Variants in PCTP observed in about 807,000 individuals in gnomAD.
PCTP encodes the protein phosphatidylcholine transfer protein, also known as START domain-containing protein 2.
PCTP carries 27 observed loss-of-function variants against 31.0 expected under a neutral mutation model. That is an observed-to-expected ratio of 0.87 (90% CI 0.64 to 1.20). The LOEUF (loss-of-function observed/expected upper bound fraction) is 1.20, where lower values mean the gene tolerates loss of function less well. Among genes scored for constraint, PCTP ranks in the 50% most tolerant of loss-of-function variants. The pLI is 0.00. For missense variants in PCTP, 287 were observed against 268.2 expected (o/e 1.07, Z -0.49); for synonymous variants, 108 against 101.2 (o/e 1.07, Z -0.40).
intron 3 of PCTP, among the ~76,000 whole-genome samples, chr17:55,803,069 A>G (rs905582841): frequency 6.6e-6 from 1 of 152,178 alleles, no homozygotes; most frequent in African/African-American, 2.4e-5. Flanking sequence ...ACAATAATAG[A>G]CAAACAGAGA....
chr17:55,751,440 T>C (rs1567707872), intron 1 of PCTP, 196 bp downstream of exon 1: 5 of 1,533,836 alleles, frequency 3.3e-6, no homozygotes, highest in Non-Finnish European at 3.5e-6. Context: ...GCCGTGCAGA[T>C]CCAGGGGAGT....
chr17:55,799,904 A>G (rs1209638466), intron 3 of PCTP, among the ~76,000 whole-genome samples: 2 of 152,124 alleles, frequency 1.3e-5, no homozygotes, highest in Non-Finnish European at 2.9e-5. Context: ...ATTGGCTTCC[A>G]TTCTCTTCTG....
At chr17:55,814,121 C>T (rs2145050817) in intron 3 of PCTP, among the ~76,000 whole-genome samples, 1 of 152,024 alleles carries the variant, frequency 6.6e-6, no homozygotes, top group East Asian at 1.9e-4. Flanking sequence ...CCTATTGCTT[C>T]TTTCCTTTCT....
At chr17:55,803,602 A>G (rs1567725680) in intron 3 of PCTP, among the ~76,000 whole-genome samples, 2 of 152,186 alleles carry the variant, frequency 1.3e-5, no homozygotes, top group Admixed American at 1.3e-4. Context: ...AAAAACAAGC[A>G]ATGGGGAAAG....
intron 3 of PCTP, among the ~76,000 whole-genome samples, chr17:55,799,230 G>A (rs1912287397): frequency 6.6e-6 from 1 of 151,942 alleles, no homozygotes; most frequent in Non-Finnish European, 1.5e-5. Context: ...TAGATGAAAA[G>A]AGAAGCACAA....
intron 3 of PCTP, among the ~76,000 whole-genome samples, chr17:55,801,688 C>T (rs185554448): frequency 8.2e-4 from 125 of 152,098 alleles, no homozygotes; most frequent in Admixed American, 5.2e-3. Flanking sequence ...CACAATGTAC[C>T]AGAATCTCTG....
chr17:55,765,424 G>A (rs1257119133), intron 1 of PCTP, among the ~76,000 whole-genome samples: 1 of 152,080 alleles, frequency 6.6e-6, no homozygotes, highest in Admixed American at 6.6e-5. Context: ...CCCAACTTGG[G>A]TTATGAAAGT....
intron 5 of PCTP, among the ~76,000 whole-genome samples, chr17:55,833,325 C>T (rs1301906003): frequency 6.6e-6 from 1 of 152,178 alleles, no homozygotes; most frequent in Non-Finnish European, 1.5e-5. Context: ...AACAAGTAAC[C>T]TCCAAAATTT....
the PCTP span, among the ~76,000 whole-genome samples, chr17:55,848,392 G>A: frequency 6.6e-6 from 1 of 152,214 alleles, no homozygotes; most frequent in Admixed American, 6.5e-5. Flanking sequence ...CATCTTCTGG[G>A]AGGAGGGTAA....
At chr17:55,783,293 A>T (rs1911629669) in intron 2 of PCTP, among the ~76,000 whole-genome samples, 1 of 152,170 alleles carries the variant, frequency 6.6e-6, no homozygotes, top group East Asian at 1.9e-4. Flanking sequence ...TACTGATGTA[A>T]CTTAGGGAAG....
At chr17:55,792,984 C>G (rs1361841003) in intron 3 of PCTP, among the ~76,000 whole-genome samples, 1 of 152,048 alleles carries the variant, frequency 6.6e-6, no homozygotes, top group Admixed American at 6.6e-5. Context: ...CCAGTCCAAA[C>G]AAACAAAAAC....
intron 3 of PCTP, among the ~76,000 whole-genome samples, chr17:55,800,290 G>T (rs62078575): frequency 6.6e-6 from 1 of 151,354 alleles, no homozygotes; most frequent in African/African-American, 2.4e-5. Flanking sequence ...TCTTTTTTCT[G>T]TAATCTTGGT....
chr17:55,802,443 C>T (rs1332418032), intron 3 of PCTP, among the ~76,000 whole-genome samples: 1 of 152,180 alleles, frequency 6.6e-6, no homozygotes, highest in Non-Finnish European at 1.5e-5. Context: ...GCCAATATCT[C>T]TAATGAACAT....
At chr17:55,829,201 G>A (rs1418312813) in intron 5 of PCTP, among the ~76,000 whole-genome samples, 2 of 147,424 alleles carry the variant, frequency 1.4e-5, no homozygotes, top group Non-Finnish European at 3.0e-5. Flanking sequence ...GAGCTTCAAA[G>A]GCCAATATGT....
intron 1 of PCTP, among the ~76,000 whole-genome samples, chr17:55,757,924 C>G (rs1046730684): frequency 1.3e-5 from 2 of 152,150 alleles, no homozygotes; most frequent in Non-Finnish European, 2.9e-5. Flanking sequence ...GGCTCCCTCT[C>G]CCTGATGTTT....
chr17:55,842,928 G>A (rs928716288), downstream of PCTP: 12 of 152,226 alleles, frequency 7.9e-5, no homozygotes, highest in Admixed American at 2.0e-4. Context: ...CATGTGGTGT[G>A]ACGGTGTCCT....
intron 2 of PCTP, chr17:55,768,935 G>A (rs2144950775): frequency 6.6e-6 from 1 of 152,320 alleles, no homozygotes; most frequent in African/African-American, 2.4e-5. Context: ...GTAACAGAAA[G>A]CCAACTAAAG....
intron 3 of PCTP, among the ~76,000 whole-genome samples, chr17:55,807,472 G>A (rs1912611564): frequency 6.6e-6 from 1 of 151,972 alleles, no homozygotes; most frequent in South Asian, 2.1e-4. Context: ...CATCTCCTTT[G>A]GGCACAAAGA....
chr17:55,751,262 G>A lies in PCTP; in HGVS notation c.141+18G>A. On this transcript the variant is annotated intron_variant, in intron 1 of 5. Coordinates refer to ENST00000268896, the MANE Select transcript of PCTP (RefSeq NM_021213.4). ...TGGACAAGGTAGCGGCCAACCCGCT[G>A]GAGGACCGCGGGGCCTAGAATGCGC... 6.5e-7 allele frequency: 1 copy of A among 1,529,068 alleles called. No individual in the cohort carries two copies. Among genetic ancestry groups the A allele is most frequent in the Non-Finnish European group, 8.8e-7 (1 of 1,137,198 alleles). 94.7% of individuals were successfully genotyped at this position (1,529,068 alleles called of 1,614,324 possible). A position where few individuals can be genotyped will look rare whatever the true frequency, so the allele number is the denominator to read the frequency against.
Sources: gnomAD v4.1 joint callset for allele counts (sites outside exome capture counted in the v4.1 genomes callset) on GRCh38, gnomAD v4.1.1 for gene constraint, MANE v1.5 for transcripts, NCBI Gene and HGNC (gene_info 2026-07-23, HGNC 2026-07-21) for gene names.